The following PCDHGA2 variants were observed in gnomAD, a reference collection of about 807,000 sequenced individuals.
PCDHGA2 encodes the protein protocadherin gamma-A2.
In PCDHGA2, 40 loss-of-function variants were observed where a neutral mutation model predicts 59.2. That is an observed-to-expected ratio of 0.68 (90% CI 0.52 to 0.88). PCDHGA2 has a LOEUF of 0.88. Among genes scored for constraint, PCDHGA2 ranks in the 40% least tolerant of loss-of-function variants. PCDHGA2 has a pLI of 0.00. For synonymous variants in PCDHGA2, 560 were observed against 526.0 expected (o/e 1.06, Z -0.89); for missense variants, 1,226 against 1,204.0 (o/e 1.02, Z -0.27).
intron 1 of PCDHGA2, chr5:141,389,495 G>A (rs751415442): frequency 4.3e-6 from 7 of 1,613,020 alleles, no homozygotes; most frequent in Non-Finnish European, 5.9e-6. Context: ...ACCAGGGCTC[G>A]CCAGCGCTCA....
At position 141,476,001 on chromosome 5, in the gene PCDHGA2, C is replaced by A. The variant is rs989369008; in HGVS notation, c.2425-18806C>A. On this transcript the variant is annotated intron_variant, in intron 1 of 3. Coordinates refer to ENST00000394576, the MANE Select transcript of PCDHGA2 (RefSeq NM_018915.4). This position sits in a 1 kb window ranked among gnomAD's most constrained non-coding sequence, Gnocchi z 7.6. ...CAGCCGGCGAGCAAATCAACGGCAT[C>A]CAGAAAGCCATGTCGGACTCGGCGC... The A allele has an allele frequency of 5.7e-5, 70 of 1,235,226 alleles. No homozygotes were observed. In the Middle Eastern group the frequency reaches 8.6e-4, roughly 15 times the overall value. The allele number at this position is 1,235,226 out of a possible 1,614,324, so 76.5% of individuals were successfully genotyped here. A position where few individuals can be genotyped will look rare whatever the true frequency, so the allele number is the denominator to read the frequency against.
At chr5:141,482,790 G>A (rs2099572686) in intron 1 of PCDHGA2, among the ~76,000 whole-genome samples, 1 of 128,870 alleles carries the variant, frequency 7.8e-6, no homozygotes, top group African/African-American at 3.5e-5. Context: ...CTGTGTGTGT[G>A]GCCGGGTACG....
rs558972594 is a variant in PCDHGA2 at position 141,485,292 on chromosome 5, A to G, written c.2425-9515A>G. ...CGCTACCCGGTCCCAGAGGAGTCAC[A>G]GGAAGGGACTTTTGTAGGGAATGTC... On this transcript the variant is annotated intron_variant, in intron 1 of 3. Coordinates refer to ENST00000394576, the MANE Select transcript of PCDHGA2 (RefSeq NM_018915.4). The surrounding 1 kb of genome is among the most constrained non-coding windows in gnomAD (Gnocchi z 5.7). 1 of 1,614,120 alleles carries G rather than the reference A, an allele frequency of 6.2e-7. No individual in the cohort carries two copies. Among genetic ancestry groups the G allele is most frequent in the African/African-American group, 1.3e-5 (1 of 75,058 alleles).
At chr5:141,469,780 G>A (rs775691161) in intron 1 of PCDHGA2, among the ~76,000 whole-genome samples, 12 of 152,080 alleles carry the variant, frequency 7.9e-5, no homozygotes, top group Non-Finnish European at 1.8e-4. Context: ...ATTTATTACA[G>A]CGTTATTTGT....
intron 1 of PCDHGA2, among the ~76,000 whole-genome samples, chr5:141,363,553 A>G (rs954649159): frequency 4.6e-5 from 7 of 152,274 alleles, no homozygotes; most frequent in African/African-American, 9.6e-5. Context: ...ATATTTGAAC[A>G]TGGTAATAGA....
intron 1 of PCDHGA2, among the ~76,000 whole-genome samples, chr5:141,368,609 A>T (rs917384420): frequency 1.3e-5 from 2 of 152,154 alleles, no homozygotes; most frequent in African/African-American, 4.8e-5. Context: ...AAGGTTATAG[A>T]TTTGGGTACA....
chr5:141,391,109 T>C (rs1414344509), intron 1 of PCDHGA2: 1 of 152,098 alleles, frequency 6.6e-6, no homozygotes, highest in Non-Finnish European at 1.5e-5. Context: ...TAAACTAATA[T>C]AGCTAGAGGT....
intron 1 of PCDHGA2, chr5:141,408,622 A>C (rs1481022505): frequency 6.2e-7 from 1 of 1,614,070 alleles, no homozygotes; most frequent in Admixed American, 1.7e-5. Flanking sequence ...AAATACATTT[A>C]GAAATTTTCG....
At chr5:141,414,085 G>C (rs1459185694) in intron 1 of PCDHGA2, 1 of 1,600,126 alleles carries the variant, frequency 6.2e-7, no homozygotes, top group Non-Finnish European at 8.5e-7. Context: ...ATATACTGGA[G>C]AAATAAAAAT....
chr5:141,436,594 G>A (rs79477223), intron 1 of PCDHGA2, among the ~76,000 whole-genome samples: 2 of 152,106 alleles, frequency 1.3e-5, no homozygotes, highest in African/African-American at 2.4e-5. Flanking sequence ...AAAGGTCGTG[G>A]TGATGGCTAG....
At chr5:141,351,284 G>A in intron 1 of PCDHGA2, 1 of 1,613,858 alleles carries the variant, frequency 6.2e-7, no homozygotes, top group South Asian at 1.1e-5. Context: ...CAATGCCCCA[G>A]AGGTGACATT....
In PCDHGA2 at chr5:141,476,606, G is replaced by A; in HGVS notation, c.2425-18201G>A. 1 of 1,614,244 alleles carries A rather than the reference G, an allele frequency of 6.2e-7. No homozygotes were observed. Among genetic ancestry groups the A allele is most frequent in the Non-Finnish European group, 8.5e-7 (1 of 1,180,046 alleles). Reference sequence around the variant, plus strand: ...GCTCGAGAGCGCGCACGATCCCGATGTGGGAAGCAACTCTTTACAAACCTA... The same window carrying A: ...GCTCGAGAGCGCGCACGATCCCGATATGGGAAGCAACTCTTTACAAACCTA... On this transcript the variant is annotated intron_variant, in intron 1 of 3. Transcript: ENST00000394576. The surrounding 1 kb of genome is among the most constrained non-coding windows in gnomAD (Gnocchi z 7.6).
chr5:141,419,108 G>C (rs1449189374), intron 1 of PCDHGA2: 2 of 1,613,792 alleles, frequency 1.2e-6, no homozygotes, highest in African/African-American at 1.3e-5. Flanking sequence ...GCAGACCCCA[G>C]AGTACAACGT....
At chr5:141,403,291 A>C in intron 1 of PCDHGA2, 1 of 1,613,918 alleles carries the variant, frequency 6.2e-7, no homozygotes, top group Non-Finnish European at 8.5e-7. Flanking sequence ...TTGAAGACAG[A>C]GTGAAACTGT....
intron 1 of PCDHGA2, chr5:141,415,519 A>T: frequency 1.9e-6 from 3 of 1,614,182 alleles, no homozygotes; most frequent in Non-Finnish European, 2.5e-6. Context: ...TTATGCGGAC[A>T]CGCTCATCAG....
Position 141,345,669 on chromosome 5 carries a change from G to C in PCDHGA2, c.2424+4274G>C, listed in dbSNP as rs757229307. ...CGGGAACCCTCCACTCAGCAGCAAC[G>C]TGTCGCTGAACCTGTTCGTGCTGGA... On this transcript the variant is annotated intron_variant, in intron 1 of 3. Transcript: ENST00000394576. 3 of 1,614,204 alleles carry C rather than the reference G, an allele frequency of 1.9e-6. No homozygotes were observed. In the Admixed American group the frequency reaches 5.0e-5, roughly 27 times the overall value.
intron 1 of PCDHGA2, chr5:141,478,121 G>A (rs1393103666): frequency 1.2e-6 from 2 of 1,613,918 alleles, no homozygotes; most frequent in South Asian, 1.1e-5. Flanking sequence ...AGTAACCGAG[G>A]ACTCTCCTGA....
At chr5:141,342,771 ATATATTG>A (rs1173667615) in intron 1 of PCDHGA2, 1 of 152,226 alleles carries the variant, frequency 6.6e-6, no homozygotes. Context: ...GAAACGACAA[ATATATTG>A]TATTTATATT....
At chr5:141,414,230 C>T in intron 1 of PCDHGA2, 5 of 1,613,308 alleles carry the variant, frequency 3.1e-6, no homozygotes, top group Non-Finnish European at 4.2e-6. Flanking sequence ...CCAGAGCTGA[C>T]CATCACGTCT....
Sources: allele counts gnomAD v4.1 joint callset (sites outside exome capture counted in the v4.1 genomes callset), GRCh38; gene constraint gnomAD v4.1.1; non-coding constraint Gnocchi (gnomAD v3.1); transcripts MANE v1.5; gene names NCBI Gene and HGNC (gene_info 2026-07-23, HGNC 2026-07-21).